Variants in OR5M1 observed in about 807,000 individuals in gnomAD.
OR5M1 encodes the protein olfactory receptor family 5 subfamily M member 1.
For missense variants in OR5M1, 367 were observed against 379.5 expected (o/e 0.97, Z 0.27); for synonymous variants, 165 against 144.2 (o/e 1.14, Z -1.04).
intron 1 of OR5M1, among the ~76,000 whole-genome samples, chr11:56,614,580 G>A (rs1853722940): frequency 6.6e-6 from 1 of 151,994 alleles, no homozygotes; most frequent in African/African-American, 2.4e-5. Flanking sequence ...CTCTTTGAAA[G>A]TAACATAAGA....
In OR5M1 at chr11:56,612,422, CA is replaced by C. The variant is rs2134958570; in HGVS notation, c.*132del. On this transcript the variant is annotated 3_prime_UTR_variant, in exon 2 of 2. Coordinates refer to ENST00000641076, the MANE Select transcript of OR5M1 (RefSeq NM_001004740.2). ...CTAAGAAATCAATCTTCAAGGTTTT[CA>C]TTTGGATAAGAAAGTAAAGTGGTTA... is the stretch of plus-strand genomic sequence containing the variant. 1.9e-6 allele frequency: 1 copy of C among 533,800 alleles called. No individual in the cohort carries two copies. Among genetic ancestry groups the C allele is most frequent in the Admixed American group, 3.5e-5 (1 of 28,456 alleles). 33.1% of individuals were successfully genotyped at this position (533,800 alleles called of 1,614,324 possible).
chr11:56,610,313 C>A lies in OR5M1; in HGVS notation c.*2242G>T, dbSNP rs935245994. The A allele has an allele frequency of 6.6e-6, 1 of 151,902 alleles. No homozygotes were observed. The highest frequency in any genetic ancestry group is 2.4e-5 in the African/African-American group (1 of 41,402). 9.4% of individuals were successfully genotyped at this position (151,902 alleles called of 1,614,324 possible). ...TATAATGCCTATAAATTATGTTAACCGGAATTTTCAAGGGAAATTCTCATT... is the reference window on the plus strand; with the variant it reads ...TATAATGCCTATAAATTATGTTAACAGGAATTTTCAAGGGAAATTCTCATT... On this transcript the variant is annotated 3_prime_UTR_variant, in exon 2 of 2. Transcript: ENST00000641076.
In OR5M1 at chr11:56,611,448, G is replaced by A. The variant is rs1349183588; in HGVS notation, c.*1107C>T. The A allele has an allele frequency of 1.3e-5, 2 of 152,114 alleles. No individual in the cohort carries two copies. Among genetic ancestry groups the A allele is most frequent in the Non-Finnish European group, 2.9e-5 (2 of 68,000 alleles). 9.4% of individuals were successfully genotyped at this position (152,114 alleles called of 1,614,324 possible). A position where few individuals can be genotyped will look rare whatever the true frequency, so the allele number is the denominator to read the frequency against. On this transcript the variant is annotated 3_prime_UTR_variant, in exon 2 of 2. Transcript: ENST00000641076. Reference sequence around the variant, plus strand: ...TAGATATAGTAGTTGATATCATACAGACATTTTCTGTAGCATATTCTGTAT... The same window carrying A: ...TAGATATAGTAGTTGATATCATACAAACATTTTCTGTAGCATATTCTGTAT...
chr11:56,612,617 C>T lies in OR5M1; in HGVS notation c.886G>A (p.Asp296Asn), dbSNP rs778959504. ...NPLIYSLRNT[D>N]VILAMQQMIR... is the part of the protein sequence containing the mutation. ...ATTTGTTGCATGGCAAGGATTACATCTGTGTTCCGTAGGCTATAGATCAAT... is the reference window on the plus strand; with the variant it reads ...ATTTGTTGCATGGCAAGGATTACATTTGTGTTCCGTAGGCTATAGATCAAT... Residue 296 changes from aspartate (D) to asparagine (N), a missense_variant, in exon 2 of 2, where the codon GAT becomes AAT. By Grantham distance (23) the Asp-to-Asn change is conservative. Coordinates refer to ENST00000641076, the MANE Select transcript of OR5M1 (RefSeq NM_001004740.2). 8 of 1,612,078 alleles carry T rather than the reference C, an allele frequency of 5.0e-6. No homozygotes were observed. The Admixed American group carries it at 6.7e-5, about 14-fold the overall frequency.
In OR5M1 at chr11:56,609,727, C is replaced by T. The variant is rs1324875916; in HGVS notation, c.*2828G>A. The T allele has an allele frequency of 6.6e-6, 1 of 151,922 alleles. No homozygotes were observed. The highest frequency in any genetic ancestry group is 1.5e-5 in the Non-Finnish European group (1 of 67,852). The allele number at this position is 151,922 out of a possible 1,614,324, so 9.4% of individuals were successfully genotyped here. On this transcript the variant is annotated 3_prime_UTR_variant, in exon 2 of 2. Coordinates refer to ENST00000641076, the MANE Select transcript of OR5M1 (RefSeq NM_001004740.2). Reference sequence around the variant, plus strand: ...CTAAGATACATTGATATGATGGAATCATGGTTTGCAAGATAATCAAATGGA... The same window carrying T: ...CTAAGATACATTGATATGATGGAATTATGGTTTGCAAGATAATCAAATGGA...
Position 56,613,245 on chromosome 11 carries a change from G to T in OR5M1, c.258C>A (p.Leu86=), listed in dbSNP as rs368957580. The T allele has an allele frequency of 1.2e-6, 2 of 1,613,724 alleles. No homozygotes were observed. The highest frequency in any genetic ancestry group is 1.7e-6 in the Non-Finnish European group (2 of 1,179,692). The stretch of plus-strand genomic sequence containing the variant: ...CGTAGGAGATGGTCTTCTGTTCTGA[G>T]AGGAAATTGTGCAGCATATTTGGAG... ...NVTPNMLHNF[L]SEQKTISYAG... is the part of the protein sequence containing the mutation. The change falls in exon 2 of 2, where the codon CTC becomes CTA. Residue 86 remains leucine, a synonymous_variant. Coordinates refer to ENST00000641076, the MANE Select transcript of OR5M1 (RefSeq NM_001004740.2).
intron 1 of OR5M1, among the ~76,000 whole-genome samples, 160 bp downstream of exon 1, chr11:56,614,697 C>T (rs1853724791): frequency 6.6e-6 from 1 of 150,582 alleles, no homozygotes; most frequent in Non-Finnish European, 1.5e-5. Context: ...AGAGTCAATG[C>T]AATACTAACA....
Position 56,612,067 on chromosome 11 carries a change from T to G in OR5M1, c.*488A>C, listed in dbSNP as rs1345060109. On this transcript the variant is annotated 3_prime_UTR_variant, in exon 2 of 2. Transcript: ENST00000641076. ...TTAACGTATCAGTGACCCATATATT[T>G]ATATTTTTTGCACATTGATTACAAT... The G allele has an allele frequency of 2.6e-5, 4 of 152,364 alleles. No individual in the cohort carries two copies. The highest frequency in any genetic ancestry group is 5.9e-5 in the Non-Finnish European group (4 of 68,190). The allele number at this position is 152,364 out of a possible 1,614,324, so 9.4% of individuals were successfully genotyped here.
chr11:56,611,715 CTG>C lies in OR5M1; in HGVS notation c.*838_*839del, dbSNP rs905563257. 1 of 152,040 alleles carries C rather than the reference CTG, an allele frequency of 6.6e-6. No homozygotes were observed. Among genetic ancestry groups the C allele is most frequent in the African/African-American group, 2.4e-5 (1 of 41,392 alleles). 9.4% of individuals were successfully genotyped at this position (152,040 alleles called of 1,614,324 possible). ...AAAGCTTCATGAAGCAAAATAAACA[CTG>C]AGTATTTCCTCCAGAAACATATATA... On this transcript the variant is annotated 3_prime_UTR_variant, in exon 2 of 2. Coordinates refer to ENST00000641076, the MANE Select transcript of OR5M1 (RefSeq NM_001004740.2).
chr11:56,614,572 C>G (rs901752144), intron 1 of OR5M1, among the ~76,000 whole-genome samples: 1 of 152,016 alleles, frequency 6.6e-6, no homozygotes, highest in Admixed American at 6.6e-5. Context: ...TCTCAGTTCT[C>G]TTTGAAAGTA....
In OR5M1 at chr11:56,613,313, C is replaced by A; in HGVS notation, c.190G>T (p.Gly64Cys). The A allele has an allele frequency of 1.4e-5, 22 of 1,613,610 alleles. No homozygotes were observed. The highest frequency in any genetic ancestry group is 1.8e-5 in the Non-Finnish European group (21 of 1,179,652). ...HLQTPMYFFLGHLSFVDICYS... is the reference protein window; with the variant it reads ...HLQTPMYFFLCHLSFVDICYS... The stretch of plus-strand genomic sequence containing the variant: ...CAAATGTCTACAAAGGAGAGGTGGC[C>A]AAGGAAGAAATACATGGGTGTTTGC... The change falls in exon 2 of 2, where the codon GGC (glycine) becomes TGC (cysteine). Residue 64 changes from glycine to cysteine, a missense_variant. Gly to Cys is a radical substitution (Grantham distance 159). Coordinates refer to ENST00000641076, the MANE Select transcript of OR5M1 (RefSeq NM_001004740.2).
chr11:56,610,040 CAT>C lies in OR5M1; in HGVS notation c.*2513_*2514del, dbSNP rs1352817991. The C allele has an allele frequency of 2.0e-5, 3 of 152,050 alleles. No individual in the cohort carries two copies. Among genetic ancestry groups the C allele is most frequent in the South Asian group, 4.1e-4 (2 of 4,824 alleles). The allele number at this position is 152,050 out of a possible 1,614,324, so 9.4% of individuals were successfully genotyped here. A position where few individuals can be genotyped will look rare whatever the true frequency, so the allele number is the denominator to read the frequency against. ...ACATTTGCTTGATGCATTTTAGTAA[CAT>C]GTACGCATATAAACTTATTGAGAAG... On this transcript the variant is annotated 3_prime_UTR_variant, in exon 2 of 2. Transcript: ENST00000641076.
chr11:56,612,030 C>T lies in OR5M1; in HGVS notation c.*525G>A, dbSNP rs1853685303. 6.6e-6 allele frequency: 1 copy of T among 152,176 alleles called. No individual in the cohort carries two copies. The highest frequency in any genetic ancestry group is 6.6e-5 in the Admixed American group (1 of 15,246). 9.4% of individuals were successfully genotyped at this position (152,176 alleles called of 1,614,324 possible). On this transcript the variant is annotated 3_prime_UTR_variant, in exon 2 of 2. Transcript: ENST00000641076. ...ATTTACAAGATGGGTTTGGGGAACACTTACAGCAAATTTAACGTATCAGTG... is the reference window on the plus strand; with the variant it reads ...ATTTACAAGATGGGTTTGGGGAACATTTACAGCAAATTTAACGTATCAGTG...
Position 56,612,563 on chromosome 11 carries a change from CA to C in OR5M1, c.939del (p.Ile313MetfsTer17). 1 of 1,595,754 alleles carries C rather than the reference CA, an allele frequency of 6.3e-7. No individual in the cohort carries two copies. The highest frequency in any genetic ancestry group is 8.5e-7 in the Non-Finnish European group (1 of 1,173,906). On this transcript the variant is annotated frameshift_variant, in exon 2 of 2. Coordinates refer to ENST00000641076, the MANE Select transcript of OR5M1 (RefSeq NM_001004740.2). LOFTEE classifies it high-confidence loss of function. The stretch of plus-strand genomic sequence containing the variant: ...TGCAAATAAACACAAGCCTAAACTG[CA>C]ATTTTATGAAAGGATTTTCCCCTAA... ...QMIRGKSFHK[I>X]AV
chr11:56,614,710 T>G (rs541809374), intron 1 of OR5M1, 147 bp downstream of exon 1: 4 of 151,916 alleles, frequency 2.6e-5, no homozygotes, highest in Non-Finnish European at 5.9e-5. Flanking sequence ...TACTAACATA[T>G]GGATAGAAAA....
chr11:56,612,654 T>C lies in OR5M1; in HGVS notation c.849A>G (p.Pro283=). Residue 283 remains proline (P), a synonymous_variant, in exon 2 of 2, where the codon CCA becomes CCG. Transcript: ENST00000641076. Reference sequence around the variant, plus strand: ...GGCTATAGATCAATGGGTTCAGCATTGGGCTCAAAAAAGTATAAAAGACTG... The same window carrying C: ...GGCTATAGATCAATGGGTTCAGCATCGGGCTCAAAAAAGTATAAAAGACTG... The part of the protein sequence containing the change: ...ITAVFYTFLS[P]MLNPLIYSLR... The C allele has an allele frequency of 5.0e-6, 8 of 1,613,772 alleles. No homozygotes were observed. Among genetic ancestry groups the C allele is most frequent in the Non-Finnish European group, 6.8e-6 (8 of 1,179,736 alleles).
chr11:56,611,521 G>A lies in OR5M1; in HGVS notation c.*1034C>T, dbSNP rs1230647877. On this transcript the variant is annotated 3_prime_UTR_variant, in exon 2 of 2. Transcript: ENST00000641076. ...CAAAATATTAAAATGCCAAACATAT[G>A]AGGCAATTTATTAGGGCTAAATACA... The A allele has an allele frequency of 6.6e-6, 1 of 152,022 alleles. No individual in the cohort carries two copies. Among genetic ancestry groups the A allele is most frequent in the Non-Finnish European group, 1.5e-5 (1 of 67,996 alleles). 9.4% of individuals were successfully genotyped at this position (152,022 alleles called of 1,614,324 possible).
rs1323228391 is a variant in OR5M1 at position 56,612,402 on chromosome 11, A to T, written c.*153T>A. 12 of 478,808 alleles carry T rather than the reference A, an allele frequency of 2.5e-5. No individual in the cohort carries two copies. Among genetic ancestry groups the T allele is most frequent in the Non-Finnish European group, 4.4e-5 (12 of 270,326 alleles). 29.7% of individuals were successfully genotyped at this position (478,808 alleles called of 1,614,324 possible). On this transcript the variant is annotated 3_prime_UTR_variant, in exon 2 of 2. Coordinates refer to ENST00000641076, the MANE Select transcript of OR5M1 (RefSeq NM_001004740.2). ...CAACATTAAGGCTTTTATTTCTAAG[A>T]AATCAATCTTCAAGGTTTTCATTTG... is the stretch of plus-strand genomic sequence containing the variant.
rs1424672035 is a variant in OR5M1 at position 56,612,084 on chromosome 11, G to C, written c.*471C>G. ...CATATATTTATATTTTTTGCACATT[G>C]ATTACAATAAGCACAAAGGTAGCTG... On this transcript the variant is annotated 3_prime_UTR_variant, in exon 2 of 2. Transcript: ENST00000641076. 1 of 152,282 alleles carries C rather than the reference G, an allele frequency of 6.6e-6. No homozygotes were observed. The highest frequency in any genetic ancestry group is 1.5e-5 in the Non-Finnish European group (1 of 68,188). The allele number at this position is 152,282 out of a possible 1,614,324, so 9.4% of individuals were successfully genotyped here.
Sources: allele counts gnomAD v4.1 joint callset (sites outside exome capture counted in the v4.1 genomes callset), GRCh38; gene constraint gnomAD v4.1.1; transcripts MANE v1.5; gene names NCBI Gene and HGNC (gene_info 2026-07-23, HGNC 2026-07-21).